The following UBR4 variants were observed in gnomAD, a reference collection of about 807,000 sequenced individuals.
UBR4 encodes E3 ubiquitin-protein ligase UBR4.
UBR4 carries 124 observed loss-of-function variants against 575.6 expected under a neutral mutation model. The ratio of observed to expected loss-of-function variants is 0.22; its 90% CI spans 0.19 to 0.25. The LOEUF is 0.25. UBR4 is among the 10% of genes least tolerant of loss of function. The pLI, the probability that UBR4 is intolerant of heterozygous loss-of-function variation, is 1.00. For synonymous variants in UBR4, 2,455 were observed against 2,473.7 expected (o/e 0.99, Z 0.22); for missense variants, 4,818 against 6,478.8 (o/e 0.74, Z 8.80).
rs996825690 is a variant in UBR4 at position 19,161,258 on chromosome 1, T to G, written c.5176-111A>C. On this transcript the variant is annotated intron_variant, in intron 37 of 105. Coordinates refer to ENST00000375254, the MANE Select transcript of UBR4 (RefSeq NM_020765.3). Reference sequence around the variant, plus strand: ...CCAAAGAAGAAACTGGCTAAGCGTTTCAATGTTATCCAAAAGCCTAAATTC... The same window carrying G: ...CCAAAGAAGAAACTGGCTAAGCGTTGCAATGTTATCCAAAAGCCTAAATTC... The G allele has an allele frequency of 1.2e-5, 12 of 1,013,698 alleles. No homozygotes were observed. The Admixed American group carries it at 1.4e-4, about 12-fold the overall frequency. The allele number at this position is 1,013,698 out of a possible 1,614,324, so 62.8% of individuals were successfully genotyped here.
chr1:19,075,066 T>G, intron 105 of UBR4, 170 bp from the exon 106 acceptor site: 1 of 679,374 alleles, frequency 1.5e-6, no homozygotes, highest in Admixed American at 2.2e-5. Flanking sequence ...AGCAAAACCC[T>G]GTTCCGCAGG....
Position 19,096,510 on chromosome 1 carries a change from G to GC in UBR4, c.13518+12dup. On this transcript the variant is annotated intron_variant, in intron 92 of 105. Coordinates refer to ENST00000375254, the MANE Select transcript of UBR4 (RefSeq NM_020765.3). Reference sequence around the variant, plus strand: ...GAAAGGCTGGCCCCCACAACTTGCTGCCCCCAACTCACTGTTAGAAGGTGG... The same window carrying GC: ...GAAAGGCTGGCCCCCACAACTTGCTGCCCCCCAACTCACTGTTAGAAGGTGG... 6.2e-7 allele frequency: 1 copy of GC among 1,610,290 alleles called. No homozygotes were observed. The highest frequency in any genetic ancestry group is 2.2e-5 in the East Asian group (1 of 44,696).
Position 19,121,181 on chromosome 1 carries a change from AC to A in UBR4, c.10141+7del. ...TTGTAGTCACAATGACAAGAGGGTG[AC>A]CCTTACCATCTTTCTCCTTTTCTTT... is the stretch of plus-strand genomic sequence containing the variant. On this transcript the variant is annotated splice_region_variant and intron_variant, in intron 68 of 105. Coordinates refer to ENST00000375254, the MANE Select transcript of UBR4 (RefSeq NM_020765.3). 2 of 1,613,048 alleles carry A rather than the reference AC, an allele frequency of 1.2e-6. No homozygotes were observed. Among genetic ancestry groups the A allele is most frequent in the Non-Finnish European group, 1.7e-6 (2 of 1,179,606 alleles).
intron 61 of UBR4, 113 bp downstream of exon 61, chr1:19,128,865 T>G: frequency 1.2e-6 from 1 of 864,828 alleles, no homozygotes; most frequent in Non-Finnish European, 1.9e-6. Flanking sequence ...ATTTCATTAT[T>G]CTGTGGCCTA....
At chr1:19,151,574 A>C in intron 48 of UBR4, 69 bp downstream of exon 48, 1 of 1,529,718 alleles carries the variant, frequency 6.5e-7, no homozygotes, top group Non-Finnish European at 9.1e-7. Context: ...TTGGACAGCC[A>C]CAGGCCAGTG....
chr1:19,156,328 G>A lies in UBR4; in HGVS notation c.6015C>T (p.Ala2005=), dbSNP rs772013149. Residue 2005 remains alanine (A), a synonymous_variant, in exon 42 of 106, where the codon GCC becomes GCT. Coordinates refer to ENST00000375254, the MANE Select transcript of UBR4 (RefSeq NM_020765.3). ...CGGTCTGTGAACCAGGTAACCACACGGCTTTGATGATGAAGTTCCCCGTTG... is the reference window on the plus strand; with the variant it reads ...CGGTCTGTGAACCAGGTAACCACACAGCTTTGATGATGAAGTTCCCCGTTG... ...QLATGNFIIK[A]VWLPGSQTEL... The A allele has an allele frequency of 1.9e-5, 30 of 1,614,158 alleles. No individual in the cohort carries two copies. The highest frequency in any genetic ancestry group is 1.0e-4 in the Admixed American group (6 of 60,024).
intron 87 of UBR4, among the ~76,000 whole-genome samples, chr1:19,102,461 T>C (rs977327779): frequency 6.6e-6 from 1 of 151,964 alleles, no homozygotes; most frequent in Non-Finnish European, 1.5e-5. Context: ...CAGCTCAGTA[T>C]GGCACGATGA....
chr1:19,206,865 A>G (rs997405713), intron 1 of UBR4, among the ~76,000 whole-genome samples: 18 of 152,194 alleles, frequency 1.2e-4, no homozygotes, highest in Non-Finnish European at 2.9e-5. Flanking sequence ...CAGGGGTTAG[A>G]CCTAGGAACG....
chr1:19,114,648 T>C (rs746485237), intron 75 of UBR4, among the ~76,000 whole-genome samples, 163 bp downstream of exon 75: 19 of 152,228 alleles, frequency 1.2e-4, no homozygotes, highest in African/African-American at 3.9e-4. Flanking sequence ...CAATACAATA[T>C]ACCTCATGCC....
At chr1:19,132,284 T>G (rs1298001808) in intron 60 of UBR4, among the ~76,000 whole-genome samples, 1 of 151,920 alleles carries the variant, frequency 6.6e-6, no homozygotes, top group Non-Finnish European at 1.5e-5. Context: ...CACATTCAAG[T>G]GATTCTCCTA....
At position 19,197,727 on chromosome 1, in the gene UBR4, G is replaced by A; in HGVS notation, c.836C>T (p.Ala279Val). The A allele has an allele frequency of 1.2e-6, 2 of 1,614,178 alleles. No homozygotes were observed. Among genetic ancestry groups the A allele is most frequent in the South Asian group, 1.1e-5 (1 of 91,084 alleles). The change falls in exon 7 of 106, where the codon GCT becomes GTT. Residue 279 changes from alanine to valine, a missense_variant. By Grantham distance (64) the Ala-to-Val change is moderately conservative (BLOSUM62 0). Around this residue, in one of 29 missense-constraint regions of UBR4, gnomAD observed 131 missense variants for 214.5 expected, o/e 0.61. Coordinates refer to ENST00000375254, the MANE Select transcript of UBR4 (RefSeq NM_020765.3). ...YINRFQDAVL[A>V]NSFFIMPATV... ...TGCAGGCATTATGAAGAAGGAATTA[G>A]CTAAAACTGCATCTTGGAACCGATT... is the stretch of plus-strand genomic sequence containing the variant.
rs1205718034 is a variant in UBR4, at chr1:19,143,158, AAAGGAAAGG to A, written c.8179+813_8179+821del. Reference sequence around the variant, plus strand: ...AGAAAAGAAAAGAAAGAAGGAAGGGAAAGGAAAGGAAGGAAGGAAGAAAAAAGAAAGAAA... The same window carrying A: ...AGAAAAGAAAAGAAAGAAGGAAGGGAAAGGAAGGAAGAAAAAAGAAAGAAA... On this transcript the variant is annotated intron_variant, in intron 55 of 105. Coordinates refer to ENST00000375254, the MANE Select transcript of UBR4 (RefSeq NM_020765.3). 3.3e-3 allele frequency among the ~76,000 whole-genome samples: 498 copies of A among 149,976 alleles called. 4 individuals are homozygous for A. The highest frequency in any genetic ancestry group is 0.014 in the Middle Eastern group (4 of 290).
chr1:19,175,525 A>C (rs1412477016), intron 20 of UBR4, among the ~76,000 whole-genome samples: 1 of 152,246 alleles, frequency 6.6e-6, no homozygotes, highest in Admixed American at 6.5e-5. Context: ...GGGTAAGTGC[A>C]AACACACACT....
At chr1:19,154,820 G>T (rs763620993) in intron 44 of UBR4, 98 bp downstream of exon 44, 14 of 1,531,244 alleles carry the variant, frequency 9.1e-6, no homozygotes, top group Non-Finnish European at 1.2e-5. Flanking sequence ...AGAAAATTAA[G>T]TTTCACAAAA....
chr1:19,165,961 AT>A (rs1337032292), intron 29 of UBR4, among the ~76,000 whole-genome samples: 2 of 152,164 alleles, frequency 1.3e-5, no homozygotes, highest in African/African-American at 4.8e-5. Context: ...CCTCAACTTT[AT>A]TTTTCTATCC....
chr1:19,143,455 C>CTGTATTG lies in UBR4; in HGVS notation c.8179+518_8179+524dup, dbSNP rs547803652. On this transcript the variant is annotated intron_variant, in intron 55 of 105. Coordinates refer to ENST00000375254, the MANE Select transcript of UBR4 (RefSeq NM_020765.3). ...GAATCGTAAAATGTTATGCCCTTGA[C>CTGTATTG]TGTATTGTGTATTGTGTATTGTGTA... is the stretch of plus-strand genomic sequence containing the variant. Among the ~76,000 whole-genome samples, 66 of 152,264 alleles carry CTGTATTG rather than the reference C, an allele frequency of 4.3e-4. No homozygotes were observed. The South Asian group carries it at 4.6e-3, about 11-fold the overall frequency.
chr1:19,120,105 A>T, intron 69 of UBR4, 75 bp downstream of exon 69: 1 of 1,546,686 alleles, frequency 6.5e-7, no homozygotes, highest in Non-Finnish European at 8.8e-7. Context: ...TATGTAACCG[A>T]AAACAAAATA....
chr1:19,076,857 C>T lies in UBR4; in HGVS notation c.15370G>A (p.Ala5124Thr), dbSNP rs776703389. 3.7e-6 allele frequency: 6 copies of T among 1,607,956 alleles called. No individual in the cohort carries two copies. Among genetic ancestry groups the T allele is most frequent in the East Asian group, 2.2e-5 (1 of 44,756 alleles). Residue 5124 changes from alanine (A) to threonine (T), a missense_variant, in exon 105 of 106, where the codon GCT becomes ACT. Physicochemically the swap from Ala to Thr is moderately conservative, Grantham distance 58. This residue lies in a region of UBR4 where 212 missense variants were observed against 221.3 expected (regional missense o/e 0.96). Coordinates refer to ENST00000375254, the MANE Select transcript of UBR4 (RefSeq NM_020765.3). ...ATGTCGTTGTGGCGGATGTACTCAG[C>T]GAGAGAGCAGGACCAGCCTCCCTCT... ...NTEGGWSCSL[A>T]EYIRHNDMPI...
chr1:19,087,737 G>GC, intron 99 of UBR4, 79 bp downstream of exon 99: 1 of 1,155,976 alleles, frequency 8.7e-7, no homozygotes, highest in Non-Finnish European at 1.3e-6. Context: ...GAACAAAATG[G>GC]CCTGGAGGAG....
Sources: allele counts gnomAD v4.1 joint callset (sites outside exome capture counted in the v4.1 genomes callset), GRCh38; gene constraint gnomAD v4.1.1; regional missense constraint gnomAD v4.1.1; transcripts MANE v1.5; gene names NCBI Gene and HGNC (gene_info 2026-07-23, HGNC 2026-07-21).